The following HNRNPLL variants were observed in gnomAD, a reference collection of about 807,000 sequenced individuals.
HNRNPLL encodes heterogeneous nuclear ribonucleoprotein L-like.
A neutral mutation model predicts 67.1 loss-of-function variants in HNRNPLL; 25 were observed. That is an observed-to-expected ratio of 0.37 (90% CI 0.27 to 0.52). HNRNPLL has a LOEUF of 0.52. Ranked by LOEUF, HNRNPLL falls within the 20% of genes least tolerant of loss-of-function variation. The pLI is 0.90. For missense variants in HNRNPLL, 542 were observed against 673.9 expected (o/e 0.80, Z 2.17); for synonymous variants, 267 against 241.7 (o/e 1.10, Z -0.97).
Position 38,572,695 on chromosome 2 carries a change from T to C in HNRNPLL, c.1092+515A>G, listed in dbSNP as rs78491878. Among the ~76,000 whole-genome samples, 71 of 152,222 alleles carry C rather than the reference T, an allele frequency of 4.7e-4. 4 individuals are homozygous for C. In the East Asian group the frequency reaches 0.013, roughly 29 times the overall value. ...CTAGACAGGAAGTTTTGGACACATT[T>C]TATCAAAGTGGGTCAGTTTCAAATA... On this transcript the variant is annotated intron_variant, in intron 8 of 12. Coordinates refer to ENST00000449105, the MANE Select transcript of HNRNPLL (RefSeq NM_138394.4).
chr2:38,574,775 C>A (rs1483015139), intron 7 of HNRNPLL, among the ~76,000 whole-genome samples: 1 of 151,720 alleles, frequency 6.6e-6, no homozygotes, highest in Non-Finnish European at 1.5e-5. Flanking sequence ...TTCAACTACT[C>A]CTTTTATTGG....
intron 1 of HNRNPLL, among the ~76,000 whole-genome samples, chr2:38,592,729 T>C (rs904383410): frequency 6.6e-6 from 1 of 152,258 alleles, no homozygotes; most frequent in African/African-American, 2.4e-5. Flanking sequence ...CAAAGATCTG[T>C]ATTTACAAAT....
At chr2:38,582,189 T>C in intron 4 of HNRNPLL, 21 bp from the exon 5 acceptor site, 1 of 1,560,970 alleles carries the variant, frequency 6.4e-7, no homozygotes, top group East Asian at 2.2e-5. Context: ...TTAAGGAAAT[T>C]CGGTTTAAGG....
intron 6 of HNRNPLL, among the ~76,000 whole-genome samples, chr2:38,580,212 A>C (rs1666470643): frequency 6.6e-6 from 1 of 152,226 alleles, no homozygotes; most frequent in Admixed American, 6.5e-5. Flanking sequence ...CAGAAGTGAG[A>C]CATTTCTCAT....
intron 4 of HNRNPLL, among the ~76,000 whole-genome samples, chr2:38,583,324 G>A (rs909232466): frequency 3.9e-5 from 6 of 152,130 alleles, no homozygotes; most frequent in Non-Finnish European, 5.9e-5. Flanking sequence ...ACATGCACAC[G>A]TAGGTTGGGG....
At chr2:38,574,305 A>G (rs1302205240) in intron 7 of HNRNPLL, among the ~76,000 whole-genome samples, 2 of 151,820 alleles carry the variant, frequency 1.3e-5, no homozygotes, top group African/African-American at 4.8e-5. Context: ...AGCAATAAGA[A>G]GAAAGGCAGA....
intron 2 of HNRNPLL, among the ~76,000 whole-genome samples, chr2:38,590,557 T>C (rs551414220): frequency 1.3e-5 from 2 of 152,276 alleles, no homozygotes; most frequent in African/African-American, 4.8e-5. Flanking sequence ...CAAAAATAAT[T>C]TAGAATTTTT....
rs1666171022 is a variant in HNRNPLL, at chr2:38,573,375, T to G, written c.927A>C (p.Arg309=). 6 of 1,612,222 alleles carry G rather than the reference T, an allele frequency of 3.7e-6. 1 individual carries two copies. The highest frequency in any genetic ancestry group is 1.3e-5 in the African/African-American group (1 of 74,774). Residue 309 remains arginine, a synonymous_variant, in exon 8 of 13, where the codon CGA becomes CGC. Coordinates refer to ENST00000449105, the MANE Select transcript of HNRNPLL (RefSeq NM_138394.4). ...PLPSRYRMGS[R]DTPELVAYPL... Reference sequence around the variant, plus strand: ...GATAAGCAACAAGTTCAGGTGTATCTCGAGAGCCCATTCTGTAACGACTTG... The same window carrying G: ...GATAAGCAACAAGTTCAGGTGTATCGCGAGAGCCCATTCTGTAACGACTTG...
chr2:38,595,272 TAAAAAAAAAAAAAAAAAAA>T (rs70954734), intron 1 of HNRNPLL, among the ~76,000 whole-genome samples: 1 of 68,772 alleles, frequency 1.5e-5, no homozygotes, highest in African/African-American at 4.9e-5. Flanking sequence ...AGACCTTGTC[TAAAAAAAAAAAAAAAAAAA>T]AAAAAAGAAA....
chr2:38,578,429 A>G (rs955479223), intron 6 of HNRNPLL, among the ~76,000 whole-genome samples: 4 of 152,106 alleles, frequency 2.6e-5, no homozygotes, highest in African/African-American at 9.7e-5. Flanking sequence ...ACAGTGCCCA[A>G]TAAGATTTTT....
intron 1 of HNRNPLL, among the ~76,000 whole-genome samples, chr2:38,598,049 T>C (rs1572467034): frequency 6.6e-6 from 1 of 152,148 alleles, no homozygotes; most frequent in African/African-American, 2.4e-5. Flanking sequence ...AGAAATCATT[T>C]GGTTTTGCCT....
intron 7 of HNRNPLL, among the ~76,000 whole-genome samples, chr2:38,575,219 C>A (rs1666252307): frequency 6.6e-6 from 1 of 151,552 alleles, no homozygotes; most frequent in South Asian, 2.1e-4. Flanking sequence ...TAAAGTATTA[C>A]CTATATTATT....
chr2:38,593,871 A>AC (rs1173849437), intron 1 of HNRNPLL, among the ~76,000 whole-genome samples: 1 of 148,094 alleles, frequency 6.8e-6, no homozygotes, highest in Non-Finnish European at 1.5e-5. Flanking sequence ...TCAAAAAAAA[A>AC]ACAAAAAAAA....
At chr2:38,588,305 T>A (rs1666812556) in intron 2 of HNRNPLL, among the ~76,000 whole-genome samples, 1 of 151,574 alleles carries the variant, frequency 6.6e-6, no homozygotes, top group Admixed American at 6.6e-5. Context: ...ATCCCAGCAC[T>A]TTGGGAGGCG....
chr2:38,565,366 C>T (rs928643505), intron 12 of HNRNPLL, among the ~76,000 whole-genome samples: 1 of 151,950 alleles, frequency 6.6e-6, no homozygotes, highest in African/African-American at 2.4e-5. Context: ...AAAAATTAAG[C>T]CTGACTACTT....
intron 1 of HNRNPLL, among the ~76,000 whole-genome samples, chr2:38,593,346 A>G (rs1024211020): frequency 2.6e-5 from 4 of 152,240 alleles, no homozygotes; most frequent in Admixed American, 6.5e-5. Context: ...AAGCAGGAAG[A>G]GCTCTAAATA....
intron 12 of HNRNPLL, among the ~76,000 whole-genome samples, chr2:38,564,613 CAAAAAAAAAAAAA>C (rs70954732): frequency 5.4e-5 from 2 of 36,998 alleles, no homozygotes; most frequent in African/African-American, 1.0e-4. Context: ...GACTCCGTCT[CAAAAAAAAAAAAA>C]AAAAAAAAAA....
intron 1 of HNRNPLL, among the ~76,000 whole-genome samples, chr2:38,601,049 TATA>T (rs1474298036): frequency 6.6e-6 from 1 of 152,230 alleles, no homozygotes; most frequent in African/African-American, 2.4e-5. Flanking sequence ...AAATATCAGT[TATA>T]ATATTCCTGT....
chr2:38,602,747 CGGCCGTCCGCGGGGACTGCGCGGCCA>C lies in HNRNPLL; in HGVS notation c.-147_-122del. 1 of 1,506,046 alleles carries C rather than the reference CGGCCGTCCGCGGGGACTGCGCGGCCA, an allele frequency of 6.6e-7. No individual in the cohort carries two copies. Among genetic ancestry groups the C allele is most frequent in the Admixed American group, 2.2e-5 (1 of 46,260 alleles). 93.3% of individuals were successfully genotyped at this position (1,506,046 alleles called of 1,614,324 possible). On this transcript the variant is annotated 5_prime_UTR_variant, in exon 1 of 13. Coordinates refer to ENST00000449105, the MANE Select transcript of HNRNPLL (RefSeq NM_138394.4). The stretch of plus-strand genomic sequence containing the variant: ...CTCTTCTGCGAGGGTCTCCGCGGCC[CGGCCGTCCGCGGGGACTGCGCGGCCA>C]GGAGACTGGCGGCTGAGAAGCGCGG...
Sources: gnomAD v4.1 joint callset for allele counts (sites outside exome capture counted in the v4.1 genomes callset) on GRCh38, gnomAD v4.1.1 for gene constraint, MANE v1.5 for transcripts, NCBI Gene and HGNC (gene_info 2026-07-23, HGNC 2026-07-21) for gene names.